Variants in ATOSA observed in about 807,000 individuals in gnomAD.
ATOSA encodes atos homolog protein A.
At chr15:52,689,879 C>A in the ATOSA span, among the ~76,000 whole-genome samples, 1 of 152,202 alleles carries the variant, frequency 6.6e-6, no homozygotes, top group Admixed American at 6.5e-5. Context: ...GAGAAAGGAA[C>A]AACAGACAGT....
chr15:52,667,798 T>G, the ATOSA span, among the ~76,000 whole-genome samples: 2 of 152,202 alleles, frequency 1.3e-5, no homozygotes, highest in Non-Finnish European at 2.9e-5. Context: ...CCAACAGGTA[T>G]ATGAAAACAT....
the ATOSA span, among the ~76,000 whole-genome samples, chr15:52,686,338 G>A: frequency 6.6e-6 from 1 of 152,180 alleles, no homozygotes; most frequent in South Asian, 2.1e-4. Flanking sequence ...CAGCAGCAGT[G>A]ATCTCCATTT....
chr15:52,618,230 G>A, the ATOSA span, among the ~76,000 whole-genome samples: 1 of 151,996 alleles, frequency 6.6e-6, no homozygotes, highest in East Asian at 1.9e-4. Context: ...TAGTAGAGAC[G>A]GGGTTTCACC....
At chr15:52,585,713 T>C in the ATOSA span, among the ~76,000 whole-genome samples, 1 of 152,158 alleles carries the variant, frequency 6.6e-6, no homozygotes, top group Admixed American at 6.5e-5. Flanking sequence ...TTATGAATAA[T>C]TGAAGGAATA....
the ATOSA span, among the ~76,000 whole-genome samples, chr15:52,621,710 G>A: frequency 6.6e-6 from 1 of 152,124 alleles, no homozygotes; most frequent in Non-Finnish European, 1.5e-5. Flanking sequence ...CTTAAGATGT[G>A]CCTTTCACCT....
chr15:52,608,665 TCTTG>T, the ATOSA span: 1 of 1,612,230 alleles, frequency 6.2e-7, no homozygotes, highest in Non-Finnish European at 8.5e-7. Context: ...AGTTGGATCT[TCTTG>T]CTTATCTTGT....
the ATOSA span, among the ~76,000 whole-genome samples, chr15:52,689,339 G>T: frequency 6.6e-6 from 1 of 152,004 alleles, no homozygotes; most frequent in East Asian, 1.9e-4. Flanking sequence ...GTAAATTATG[G>T]CTCATTTCTG....
chr15:52,651,593 C>A, the ATOSA span, among the ~76,000 whole-genome samples: 1 of 152,148 alleles, frequency 6.6e-6, no homozygotes, highest in Non-Finnish European at 1.5e-5. Flanking sequence ...CACATTTTTT[C>A]CCCATTAAAG....
chr15:52,657,781 G>T, the ATOSA span: 3 of 152,092 alleles, frequency 2.0e-5, no homozygotes, highest in African/African-American at 7.2e-5. Flanking sequence ...AACACTTTTA[G>T]TTCTAAGTGC....
chr15:52,678,916 T>C, the ATOSA span: 7 of 152,914 alleles, frequency 4.6e-5, no homozygotes, highest in Non-Finnish European at 7.3e-5. Flanking sequence ...TCGGCCGACC[T>C]CTGCTGACTA....
the ATOSA span, chr15:52,613,824 T>A: frequency 6.2e-7 from 1 of 1,613,780 alleles, no homozygotes; most frequent in African/African-American, 1.3e-5. Context: ...CAAGAACTCC[T>A]CTGCATCATA....
the ATOSA span, among the ~76,000 whole-genome samples, chr15:52,630,405 C>G: frequency 6.6e-6 from 1 of 151,912 alleles, no homozygotes; most frequent in African/African-American, 2.4e-5. Context: ...AGATGAATAT[C>G]TAGAATATTT....
At chr15:52,636,226 G>A in the ATOSA span, among the ~76,000 whole-genome samples, 2 of 150,712 alleles carry the variant, frequency 1.3e-5, no homozygotes, top group Admixed American at 6.6e-5. Flanking sequence ...CAAATACAAT[G>A]GAATTAAATT....
the ATOSA span, among the ~76,000 whole-genome samples, chr15:52,668,756 C>A: frequency 1.3e-5 from 2 of 151,998 alleles, no homozygotes; most frequent in African/African-American, 4.8e-5. Flanking sequence ...TAGAAAAAAA[C>A]AGACAACAAA....
chr15:52,611,353 A>T, the ATOSA span: 1 of 1,473,706 alleles, frequency 6.8e-7, no homozygotes, highest in Non-Finnish European at 9.2e-7. Flanking sequence ...ATCACTCAGG[A>T]TTTGTGCTTT....
chr15:52,680,268 G>A, the ATOSA span, among the ~76,000 whole-genome samples: 3 of 152,100 alleles, frequency 2.0e-5, no homozygotes, highest in Non-Finnish European at 4.4e-5. Flanking sequence ...AACAAGCGCT[G>A]CAGCTATTAG....
the ATOSA span, among the ~76,000 whole-genome samples, chr15:52,625,165 G>C: frequency 2.0e-5 from 3 of 151,950 alleles, no homozygotes; most frequent in Non-Finnish European, 4.4e-5. Context: ...AGGAAAATAA[G>C]GTACAAAGAC....
the ATOSA span, among the ~76,000 whole-genome samples, chr15:52,617,773 A>G: frequency 2.4e-5 from 1 of 41,532 alleles, no homozygotes; most frequent in South Asian, 1.1e-3. Context: ...TTTATTAATA[A>G]TTTATTATAT....
At chr15:52,612,718 T>C in the ATOSA span, among the ~76,000 whole-genome samples, 1 of 151,966 alleles carries the variant, frequency 6.6e-6, no homozygotes, top group African/African-American at 2.4e-5. Flanking sequence ...TTGGCCAGGC[T>C]GGTCTTGAAC....
Sources: allele counts gnomAD v4.1 joint callset (sites outside exome capture counted in the v4.1 genomes callset), GRCh38; gene constraint gnomAD v4.1.1; transcripts MANE v1.5; gene names NCBI Gene and HGNC (gene_info 2026-07-23, HGNC 2026-07-21).